The following RABGEF1 variants were observed in gnomAD, a reference collection of about 807,000 sequenced individuals.
RABGEF1 encodes the protein rab5 GDP/GTP exchange factor.
Under a neutral mutation model 57.3 loss-of-function variants are expected in RABGEF1, and 26 were observed. The observed-to-expected ratio is 0.45, with a 90% CI of 0.33 to 0.63. The LOEUF is 0.63. Among genes scored for constraint, RABGEF1 ranks in the 20% least tolerant of loss-of-function variants. The pLI is 0.02. For synonymous variants in RABGEF1, 185 were observed against 210.7 expected, an observed-to-expected ratio of 0.88 and a Z score of 1.06; for missense variants, 464 against 607.6, an observed-to-expected ratio of 0.76 and a Z score of 2.48.
At chr7:66,754,149 C>T (rs368301658) in intron 1 of RABGEF1, among the ~76,000 whole-genome samples, 1 of 143,570 alleles carries the variant, frequency 7.0e-6, no homozygotes, top group Non-Finnish European at 1.6e-5. Flanking sequence ...CTACAGGCGC[C>T]CTCCAACACG....
At chr7:66,706,159 C>G (rs985626148) in intron 1 of RABGEF1, among the ~76,000 whole-genome samples, 1 of 151,594 alleles carries the variant, frequency 6.6e-6, no homozygotes, top group Non-Finnish European at 1.5e-5. Flanking sequence ...GCCTCGGCCT[C>G]GCAAAGTCCT....
chr7:66,742,020 G>A (rs1392411024), intron 1 of RABGEF1, among the ~76,000 whole-genome samples: 2 of 151,910 alleles, frequency 1.3e-5, no homozygotes, highest in Non-Finnish European at 2.9e-5. Context: ...GCATCGTGGC[G>A]GGCACCTGTA....
intron 1 of RABGEF1, among the ~76,000 whole-genome samples, chr7:66,766,742 C>T (rs1466453274): frequency 5.6e-5 from 6 of 107,078 alleles, no homozygotes; most frequent in Non-Finnish European, 1.2e-4. Flanking sequence ...TATTTATTTT[C>T]GAGACAGGGT....
At chr7:66,698,618 G>A (rs1792725610) in intron 1 of RABGEF1, among the ~76,000 whole-genome samples, 1 of 152,142 alleles carries the variant, frequency 6.6e-6, no homozygotes, top group African/African-American at 2.4e-5. Context: ...AGCCTCTGCT[G>A]GTGGCAGCTC....
intron 1 of RABGEF1, among the ~76,000 whole-genome samples, chr7:66,766,021 A>G (rs1387437153): frequency 1.3e-5 from 2 of 152,168 alleles, no homozygotes; most frequent in Non-Finnish European, 2.9e-5. Flanking sequence ...TTTCTCTTGG[A>G]AGGGAAGAAA....
intron 1 of RABGEF1, among the ~76,000 whole-genome samples, chr7:66,702,775 C>A (rs1325275155): frequency 6.6e-6 from 1 of 151,600 alleles, no homozygotes; most frequent in Non-Finnish European, 1.5e-5. Context: ...GTATTTTTTC[C>A]TTATAGAAAT....
chr7:66,737,596 T>C (rs1002303277), upstream of RABGEF1, among the ~76,000 whole-genome samples: 55 of 152,206 alleles, frequency 3.6e-4, 1 homozygote, highest in Admixed American at 2.0e-4. Flanking sequence ...AAGACTGATA[T>C]AGTGCTGTTC....
upstream of RABGEF1, among the ~76,000 whole-genome samples, chr7:66,678,661 A>G (rs1204517766): frequency 1.3e-5 from 2 of 151,938 alleles, no homozygotes; most frequent in Non-Finnish European, 2.9e-5. Context: ...AAACTCAGAC[A>G]TTTTATTTAT....
intron 3 of RABGEF1, among the ~76,000 whole-genome samples, chr7:66,777,467 A>G: frequency 6.6e-6 from 1 of 151,790 alleles, no homozygotes; most frequent in Middle Eastern, 3.4e-3. Context: ...TAATATATAT[A>G]TATGAAATTA....
At chr7:66,759,203 T>A (rs932705204) in intron 1 of RABGEF1, among the ~76,000 whole-genome samples, 2 of 152,214 alleles carry the variant, frequency 1.3e-5, no homozygotes, top group Admixed American at 6.5e-5. Flanking sequence ...CCAGGTTTCG[T>A]AATTCGTTCG....
chr7:66,776,112 T>C (rs901793254), intron 3 of RABGEF1, among the ~76,000 whole-genome samples: 2 of 152,200 alleles, frequency 1.3e-5, no homozygotes, highest in African/African-American at 4.8e-5. Context: ...TGAAAATTTA[T>C]GTTGGTACTC....
At chr7:66,771,692 T>A (rs1583946664) in intron 1 of RABGEF1, among the ~76,000 whole-genome samples, 191 bp from the exon 2 acceptor site, 1 of 152,156 alleles carries the variant, frequency 6.6e-6, no homozygotes, top group African/African-American at 2.4e-5. Context: ...AATATGGCTG[T>A]GTCAGGAATT....
intron 2 of RABGEF1, among the ~76,000 whole-genome samples, chr7:66,730,667 C>T (rs1721911679): frequency 6.6e-6 from 1 of 151,482 alleles, no homozygotes; most frequent in African/African-American, 2.4e-5. Context: ...AAGCAATTCT[C>T]CTGCCTCAGC....
intron 1 of RABGEF1, among the ~76,000 whole-genome samples, chr7:66,770,146 A>G (rs1485244259): frequency 2.6e-5 from 4 of 152,184 alleles, no homozygotes; most frequent in Non-Finnish European, 5.9e-5. Context: ...GACATGTTCT[A>G]TGAGTTGCAT....
At chr7:66,753,701 G>GTTTTTTTTTTTTTTTTTTTT (rs1224800315) in intron 1 of RABGEF1, among the ~76,000 whole-genome samples, 2 of 78,770 alleles carry the variant, frequency 2.5e-5, no homozygotes, top group East Asian at 9.9e-4. Flanking sequence ...TTTTGCCATC[G>GTTTTTTTTTTTTTTTTTTTT]TTTTTTTTTT....
chr7:66,691,782 C>G (rs1457062958), intron 1 of RABGEF1, among the ~76,000 whole-genome samples: 1 of 152,000 alleles, frequency 6.6e-6, no homozygotes, highest in East Asian at 1.9e-4. Flanking sequence ...GGCTTGGCAC[C>G]GTGGCTCACA....
chr7:66,742,915 C>T (rs970704470), intron 1 of RABGEF1, among the ~76,000 whole-genome samples: 7 of 152,132 alleles, frequency 4.6e-5, no homozygotes, highest in African/African-American at 1.2e-4. Flanking sequence ...AGGGTCGTTA[C>T]TAAAGTGAAA....
upstream of RABGEF1, among the ~76,000 whole-genome samples, chr7:66,736,274 A>C: frequency 6.6e-6 from 1 of 152,210 alleles, no homozygotes; most frequent in East Asian, 1.9e-4. Context: ...ACAGCAGAAA[A>C]TACTGAGAGA....
intron 1 of RABGEF1, among the ~76,000 whole-genome samples, chr7:66,689,017 T>TGGGA (rs1791127538): frequency 6.6e-6 from 1 of 152,070 alleles, no homozygotes; most frequent in Non-Finnish European, 1.5e-5. Context: ...TCCTTGAACC[T>TGGGA]GGGAGAGGGA....
Sources: allele counts gnomAD v4.1 joint callset (sites outside exome capture counted in the v4.1 genomes callset), GRCh38; gene constraint gnomAD v4.1.1; transcripts MANE v1.5; gene names NCBI Gene and HGNC (gene_info 2026-07-23, HGNC 2026-07-21).